Variants in UBE2E1 observed in about 807,000 individuals in gnomAD.
UBE2E1 encodes the protein ubiquitin-conjugating enzyme E2 E1.
A neutral mutation model predicts 21.4 loss-of-function variants in UBE2E1; 6 were observed. The ratio of observed to expected loss-of-function variants is 0.28; its 90% CI spans 0.15 to 0.55. The LOEUF is 0.55. Among genes scored for constraint, UBE2E1 ranks in the 20% least tolerant of loss-of-function variants. The pLI is 0.93. For synonymous variants in UBE2E1, 87 were observed against 82.7 expected (o/e 1.05, Z -0.28); for missense variants, 142 against 236.5 (o/e 0.60, Z 2.62).
chr3:23,869,680 C>T (rs1249709482), intron 3 of UBE2E1, among the ~76,000 whole-genome samples: 1 of 135,074 alleles, frequency 7.4e-6, no homozygotes, highest in Non-Finnish European at 1.5e-5. Flanking sequence ...TGCTTGAGCT[C>T]AGGGGTTCGA....
chr3:23,859,739 A>G (rs867729352), intron 3 of UBE2E1, among the ~76,000 whole-genome samples: 3 of 152,200 alleles, frequency 2.0e-5, no homozygotes, highest in African/African-American at 7.2e-5. Flanking sequence ...GCTTTGCCTT[A>G]CCCAGTTCAT....
chr3:23,842,198 G>GGGGTGTGTGTGTGTGTGTGTGT lies in UBE2E1; in HGVS notation c.203+30689_203+30690insGGTGTGTGTGTGTGTGTGTGTG, dbSNP rs1553637704. On this transcript the variant is annotated intron_variant, in intron 3 of 5. Transcript: ENST00000306627. The surrounding 1 kb of genome is among the most constrained non-coding windows in gnomAD (Gnocchi z 4.6). ...TATGTCATGACCCAGTAAGTGAAGG[G>GGGGTGTGTGTGTGTGTGTGTGT]GTGTGTGTGTGTGTGTGTGTGTGTG... 2.9e-5 allele frequency among the ~76,000 whole-genome samples: 3 copies of GGGGTGTGTGTGTGTGTGTGTGT among 104,284 alleles called. No homozygotes were observed. The highest frequency in any genetic ancestry group is 3.4e-4 in the South Asian group (1 of 2,932). The allele number at this position is 104,284 out of a possible 152,430, so 68.4% of individuals were successfully genotyped here. A position where few individuals can be genotyped will look rare whatever the true frequency, so the allele number is the denominator to read the frequency against.
chr3:23,808,430 A>C lies in UBE2E1; in HGVS notation c.152+1009A>C, dbSNP rs1243643252. 6.6e-6 allele frequency among the ~76,000 whole-genome samples: 1 copy of C among 152,212 alleles called. No homozygotes were observed. Among genetic ancestry groups the C allele is most frequent in the Non-Finnish European group, 1.5e-5 (1 of 68,044 alleles). ...GGTGGCAAACCAGGAAGATAGTAAG[A>C]ACTCCAAATGATGGGATAGGGATAC... On this transcript the variant is annotated intron_variant, in intron 2 of 5. Transcript: ENST00000306627. This position sits in a 1 kb window ranked among gnomAD's most constrained non-coding sequence, Gnocchi z 4.9.
chr3:23,890,383 G>A, intron 5 of UBE2E1, 126 bp from the exon 6 acceptor site: 1 of 722,810 alleles, frequency 1.4e-6, no homozygotes, highest in South Asian at 2.2e-5. Flanking sequence ...ATGGTGGAGT[G>A]GTGTTTCGAA....
intron 3 of UBE2E1, among the ~76,000 whole-genome samples, chr3:23,851,611 C>G (rs1372235381): frequency 6.6e-6 from 1 of 151,886 alleles, no homozygotes; most frequent in Non-Finnish European, 1.5e-5. Context: ...TGAGATGAGC[C>G]TGATTAACAA....
chr3:23,882,724 TG>T (rs1701079729), intron 3 of UBE2E1, among the ~76,000 whole-genome samples: 2 of 152,222 alleles, frequency 1.3e-5, no homozygotes, highest in African/African-American at 2.4e-5. Flanking sequence ...AGCCTGTTGC[TG>T]GCAGGCTGGC....
intron 3 of UBE2E1, among the ~76,000 whole-genome samples, chr3:23,839,291 G>T (rs1700035546): frequency 6.6e-6 from 1 of 151,798 alleles, no homozygotes; most frequent in Admixed American, 6.6e-5. Context: ...GTGAAACCCT[G>T]TCTCTACTAA....
chr3:23,810,482 G>A lies in UBE2E1; in HGVS notation c.153-978G>A. 1 of 1,535,872 alleles carries A rather than the reference G, an allele frequency of 6.5e-7. No homozygotes were observed. The highest frequency in any genetic ancestry group is 2.0e-5 in the Admixed American group (1 of 50,992). ...GTGAGCTAGAGAGCGGACCATGAAG[G>A]AAGTGGGCAGACCCCGGGAAGTTAG... On this transcript the variant is annotated intron_variant, in intron 2 of 5. Transcript: ENST00000306627. The surrounding 1 kb of genome is among the most constrained non-coding windows in gnomAD (Gnocchi z 5.8).
At chr3:23,871,362 G>C (rs372772604) in intron 3 of UBE2E1, among the ~76,000 whole-genome samples, 1 of 14,994 alleles carries the variant, frequency 6.7e-5, no homozygotes, top group Non-Finnish European at 1.3e-4. Context: ...CCTCCCGGAC[G>C]GGGCGGCTGG....
rs777873920 is a variant in UBE2E1, at chr3:23,807,408, A to T, written c.139A>T (p.Thr47Ser). 2 of 1,611,724 alleles carry T rather than the reference A, an allele frequency of 1.2e-6. No homozygotes were observed. The highest frequency in any genetic ancestry group is 3.4e-5 in the Admixed American group (2 of 59,458). The stretch of plus-strand genomic sequence containing the variant: ...GAGCAAAAACTCCAAACTCCTCTCC[A>T]CCAGCGCCAAGAGGTACTGTGCTCT... Reference protein sequence around the residue: ...SMSKNSKLLSTSAKRIQKELA... With the variant: ...SMSKNSKLLSSSAKRIQKELA... Residue 47 changes from threonine (T) to serine (S), a missense_variant, in exon 2 of 6, where the codon ACC (threonine) becomes TCC (serine). Thr to Ser is a moderately conservative substitution (Grantham distance 58, BLOSUM62 1). Coordinates refer to ENST00000306627, the MANE Select transcript of UBE2E1 (RefSeq NM_003341.5).
chr3:23,869,468 T>C (rs968420320), intron 3 of UBE2E1, among the ~76,000 whole-genome samples: 1 of 149,338 alleles, frequency 6.7e-6, no homozygotes, highest in Non-Finnish European at 1.5e-5. Context: ...GTCTCAGTTT[T>C]GGTCATTCCT....
In UBE2E1 at chr3:23,890,611, G is replaced by A. The variant is rs1357288007; in HGVS notation, c.*5G>A. 7 of 1,611,944 alleles carry A rather than the reference G, an allele frequency of 4.3e-6. No homozygotes were observed. The highest frequency in any genetic ancestry group is 5.9e-6 in the Non-Finnish European group (7 of 1,179,108). On this transcript the variant is annotated 3_prime_UTR_variant, in exon 6 of 6. Coordinates refer to ENST00000306627, the MANE Select transcript of UBE2E1 (RefSeq NM_003341.5). ...ACCAAGAGATACGCTACATAAATTG[G>A]GGTTTCACAATTCTTACATTATTTG...
At chr3:23,873,843 A>G (rs1261384435) in intron 3 of UBE2E1, among the ~76,000 whole-genome samples, 1 of 152,234 alleles carries the variant, frequency 6.6e-6, no homozygotes, top group African/African-American at 2.4e-5. Flanking sequence ...ACCATATAAC[A>G]TGCAAGTTGG....
At chr3:23,848,481 A>G (rs1381498786) in intron 3 of UBE2E1, among the ~76,000 whole-genome samples, 1 of 152,122 alleles carries the variant, frequency 6.6e-6, no homozygotes, top group Middle Eastern at 3.4e-3. Flanking sequence ...AAAAAAAAAA[A>G]ACAAAAAACA....
At position 23,843,027 on chromosome 3, in the gene UBE2E1, A is replaced by G. The variant is rs1056380233; in HGVS notation, c.203+31517A>G. On this transcript the variant is annotated intron_variant, in intron 3 of 5. Coordinates refer to ENST00000306627, the MANE Select transcript of UBE2E1 (RefSeq NM_003341.5). Reference sequence around the variant, plus strand: ...TATACTATATATGTTACAGTTACATATAAAAATATATATTATAGTAGTATA... The same window carrying G: ...TATACTATATATGTTACAGTTACATGTAAAAATATATATTATAGTAGTATA... Among the ~76,000 whole-genome samples the G allele has an allele frequency of 3.3e-5, 5 of 151,720 alleles. No homozygotes were observed. In the South Asian group the frequency reaches 1.0e-3, roughly 31 times the overall value.
At position 23,836,266 on chromosome 3, in the gene UBE2E1, C is replaced by T. The variant is rs1327014641; in HGVS notation, c.203+24756C>T. Among the ~76,000 whole-genome samples, 1 of 152,168 alleles carries T rather than the reference C, an allele frequency of 6.6e-6. No homozygotes were observed. ...CAGCTAGTAAAATTAGCCATCCATTCATGAATTTAGGAAATAACTGATTTA... is the reference window on the plus strand; with the variant it reads ...CAGCTAGTAAAATTAGCCATCCATTTATGAATTTAGGAAATAACTGATTTA... On this transcript the variant is annotated intron_variant, in intron 3 of 5. Transcript: ENST00000306627. The surrounding 1 kb of genome is among the most constrained non-coding windows in gnomAD (Gnocchi z 4.1).
At chr3:23,819,645 A>G (rs2125285753) in intron 3 of UBE2E1, among the ~76,000 whole-genome samples, 1 of 152,314 alleles carries the variant, frequency 6.6e-6, no homozygotes, top group Admixed American at 6.5e-5. Context: ...ACAAAAACCT[A>G]ATTTGGTCGG....
At position 23,870,947 on chromosome 3, in the gene UBE2E1, A is replaced by T. The variant is rs1700771334; in HGVS notation, c.204-16620A>T. 6.6e-6 allele frequency among the ~76,000 whole-genome samples: 1 copy of T among 152,182 alleles called. No homozygotes were observed. The highest frequency in any genetic ancestry group is 1.5e-5 in the Non-Finnish European group (1 of 68,020). ...ATCTTGCACCGCCCTTAATCCATTT[A>T]ACCCTGAGTGGACACAGCACATGTT... On this transcript the variant is annotated intron_variant, in intron 3 of 5. Transcript: ENST00000306627. The surrounding 1 kb of genome is among the most constrained non-coding windows in gnomAD (Gnocchi z 4.2).
Position 23,823,923 on chromosome 3 carries a change from C to T in UBE2E1, c.203+12413C>T, listed in dbSNP as rs1263513123. 1.3e-5 allele frequency among the ~76,000 whole-genome samples: 2 copies of T among 152,246 alleles called. No homozygotes were observed. Among genetic ancestry groups the T allele is most frequent in the East Asian group, 3.9e-4 (2 of 5,188 alleles). Reference sequence around the variant, plus strand: ...CATCCTTCAGGGAGACTGGTAGCCCCCGAAAAGACATTTATTTTTTGTAGC... The same window carrying T: ...CATCCTTCAGGGAGACTGGTAGCCCTCGAAAAGACATTTATTTTTTGTAGC... On this transcript the variant is annotated intron_variant, in intron 3 of 5. Transcript: ENST00000306627. This position sits in a 1 kb window ranked among gnomAD's most constrained non-coding sequence, Gnocchi z 4.2.
Sources: allele counts gnomAD v4.1 joint callset (sites outside exome capture counted in the v4.1 genomes callset), GRCh38; gene constraint gnomAD v4.1.1; non-coding constraint Gnocchi (gnomAD v3.1); transcripts MANE v1.5; gene names NCBI Gene and HGNC (gene_info 2026-07-23, HGNC 2026-07-21).